Variants in CDH18 observed in about 807,000 individuals in gnomAD.
The protein encoded by CDH18 is cadherin 18, also known as cadherin-18.
Under a neutral mutation model 67.9 loss-of-function variants are expected in CDH18, and 31 were observed. The ratio of observed to expected loss-of-function variants is 0.46; its 90% CI spans 0.34 to 0.62. The LOEUF (loss-of-function observed/expected upper bound fraction) is 0.62, where lower values mean the gene tolerates loss of function less well. Ranked by LOEUF, CDH18 falls within the 20% of genes least tolerant of loss-of-function variation. The pLI is 0.01. For missense variants in CDH18, 890 were observed against 975.5 expected (o/e 0.91, Z 1.17); for synonymous variants, 362 against 347.2 (o/e 1.04, Z -0.48).
intron 2 of CDH18, among the ~76,000 whole-genome samples, chr5:20,157,770 G>A (rs1751650641): frequency 1.3e-5 from 2 of 151,670 alleles, no homozygotes; most frequent in Admixed American, 1.3e-4. Context: ...AGCCTCCTGA[G>A]TAGCGGGACT....
rs535005356 is a variant in CDH18 at position 19,879,253 on chromosome 5, G to T, written c.-256-40011C>A. Among the ~76,000 whole-genome samples the T allele has an allele frequency of 2.6e-5, 4 of 152,010 alleles. 1 individual carries two copies. The South Asian group carries it at 8.3e-4, about 32-fold the overall frequency. Reference sequence around the variant, plus strand: ...GTAAGAATGCCCTAAGTGATTGAAAGGTTGTGTCAATTCTTAAGGTAAATA... The same window carrying T: ...GTAAGAATGCCCTAAGTGATTGAAATGTTGTGTCAATTCTTAAGGTAAATA... On this transcript the variant is annotated intron_variant, in intron 2 of 12. Transcript: ENST00000382275.
chr5:20,456,279 G>T (rs1378529317), intron 1 of CDH18, among the ~76,000 whole-genome samples: 1 of 151,802 alleles, frequency 6.6e-6, no homozygotes, highest in Non-Finnish European at 1.5e-5. Flanking sequence ...CTTATTTTTT[G>T]CATATTGCTG....
intron 5 of CDH18, among the ~76,000 whole-genome samples, chr5:19,705,025 C>T (rs1165288286): frequency 6.6e-6 from 1 of 152,194 alleles, no homozygotes; most frequent in Non-Finnish European, 1.5e-5. Context: ...AACCTGCAGC[C>T]TGCTAAGCGT....
At chr5:19,639,544 G>C (rs911183201) in intron 5 of CDH18, among the ~76,000 whole-genome samples, 1 of 152,102 alleles carries the variant, frequency 6.6e-6, no homozygotes, top group Non-Finnish European at 1.5e-5. Context: ...GGGACAAAGC[G>C]ACTACACCCT....
At chr5:19,853,469 G>C (rs1346502589) in intron 2 of CDH18, among the ~76,000 whole-genome samples, 1 of 152,188 alleles carries the variant, frequency 6.6e-6, no homozygotes, top group South Asian at 2.1e-4. Context: ...ATAATGAGAC[G>C]TATTCTTACA....
At chr5:20,186,318 T>C (rs750473950) in intron 2 of CDH18, among the ~76,000 whole-genome samples, 63 of 152,006 alleles carry the variant, frequency 4.1e-4, no homozygotes, top group African/African-American at 1.5e-3. Context: ...TTATTGGTTT[T>C]TGTGCACTAT....
In CDH18 at chr5:19,909,927, G is replaced by A. The variant is rs148436503; in HGVS notation, c.-256-70685C>T. 2.2e-3 allele frequency among the ~76,000 whole-genome samples: 333 copies of A among 152,126 alleles called. 1 individual carries two copies. Among genetic ancestry groups the A allele is most frequent in the African/African-American group, 7.5e-3 (311 of 41,504 alleles). ...TTTTAAACTCAAAAACTACATATGC[G>A]TTGAATTGTATGTCATTTTCATCTT... On this transcript the variant is annotated intron_variant, in intron 2 of 12. Coordinates refer to ENST00000382275, the MANE Select transcript of CDH18 (RefSeq NM_004934.5).
intron 8 of CDH18, among the ~76,000 whole-genome samples, chr5:19,560,790 T>C (rs1739304825): frequency 6.6e-6 from 1 of 151,928 alleles, no homozygotes; most frequent in Non-Finnish European, 1.5e-5. Context: ...ATCCAGAATC[T>C]ACAAGGAACT....
intron 1 of CDH18, among the ~76,000 whole-genome samples, chr5:20,259,086 GC>G (rs769354233): frequency 1.3e-5 from 2 of 152,118 alleles, no homozygotes; most frequent in Non-Finnish European, 2.9e-5. Context: ...AGTGTGACTG[GC>G]TTTGAAACCA....
chr5:20,017,960 G>A (rs961119741), intron 2 of CDH18, among the ~76,000 whole-genome samples: 1 of 152,070 alleles, frequency 6.6e-6, no homozygotes, highest in African/African-American at 2.4e-5. Flanking sequence ...ATTGACATAA[G>A]GATTCATTTA....
At chr5:20,278,494 C>T (rs1375518385) in intron 1 of CDH18, among the ~76,000 whole-genome samples, 1 of 151,852 alleles carries the variant, frequency 6.6e-6, no homozygotes, top group Non-Finnish European at 1.5e-5. Flanking sequence ...AAGACCTATC[C>T]TACAAAAAAT....
intron 4 of CDH18, among the ~76,000 whole-genome samples, chr5:19,724,977 A>T (rs1483195465): frequency 2.1e-5 from 3 of 145,204 alleles, no homozygotes; most frequent in African/African-American, 7.8e-5. Context: ...CCTAGGCTGG[A>T]GTGCAGTGGC....
intron 1 of CDH18, among the ~76,000 whole-genome samples, chr5:20,363,989 A>G (rs1742310440): frequency 6.6e-6 from 1 of 152,100 alleles, no homozygotes; most frequent in African/African-American, 2.4e-5. Flanking sequence ...CACAAGTCCT[A>G]TTTGACAATA....
At chr5:20,397,945 T>C (rs1745418046) in intron 1 of CDH18, among the ~76,000 whole-genome samples, 1 of 152,188 alleles carries the variant, frequency 6.6e-6, no homozygotes, top group South Asian at 2.1e-4. Context: ...TACATTACTT[T>C]AAAGCTCATG....
chr5:20,132,627 T>C (rs1385097320), intron 2 of CDH18, among the ~76,000 whole-genome samples: 3 of 152,168 alleles, frequency 2.0e-5, no homozygotes, highest in Non-Finnish European at 2.9e-5. Flanking sequence ...GGCGTATAAA[T>C]TATTTCTCAT....
intron 2 of CDH18, among the ~76,000 whole-genome samples, chr5:19,941,425 T>C (rs1246434337): frequency 6.6e-6 from 1 of 152,170 alleles, no homozygotes; most frequent in Non-Finnish European, 1.5e-5. Flanking sequence ...TGAGTAGAAG[T>C]AGTCCAACTT....
chr5:19,772,350 T>C (rs1773825061), intron 3 of CDH18, among the ~76,000 whole-genome samples: 1 of 152,072 alleles, frequency 6.6e-6, no homozygotes, highest in Non-Finnish European at 1.5e-5. Flanking sequence ...CCAAGAGTTG[T>C]TATAAGAGAA....
chr5:20,154,460 T>A (rs1006133881), intron 2 of CDH18, among the ~76,000 whole-genome samples: 1 of 152,144 alleles, frequency 6.6e-6, no homozygotes, highest in Admixed American at 6.6e-5. Context: ...CCAAACAATA[T>A]CTCACTTATT....
chr5:19,480,135 G>A (rs1052759892), intron 12 of CDH18, among the ~76,000 whole-genome samples: 1 of 151,924 alleles, frequency 6.6e-6, no homozygotes, highest in Admixed American at 6.6e-5. Flanking sequence ...CGACTTTTAA[G>A]AGTAAGAACG....
Sources: gnomAD v4.1 joint callset for allele counts (sites outside exome capture counted in the v4.1 genomes callset) on GRCh38, gnomAD v4.1.1 for gene constraint, MANE v1.5 for transcripts, NCBI Gene and HGNC (gene_info 2026-07-23, HGNC 2026-07-21) for gene names.